The following ATP2A2 variants were observed in gnomAD, a reference collection of about 807,000 sequenced individuals.
The protein encoded by ATP2A2 is ATPase sarcoplasmic/endoplasmic reticulum Ca2+ transporting 2, also known as sarcoplasmic/endoplasmic reticulum calcium ATPase 2.
ATP2A2 carries 14 observed loss-of-function variants against 109.3 expected under a neutral mutation model. The ratio of observed to expected loss-of-function variants is 0.13; its 90% CI spans 0.08 to 0.20. The LOEUF is 0.20. Ranked by LOEUF, ATP2A2 falls within the 10% of genes least tolerant of loss-of-function variation. The pLI, the probability that ATP2A2 is intolerant of heterozygous loss-of-function variation, is 1.00. For missense variants in ATP2A2, 657 were observed against 1,321.6 expected, an observed-to-expected ratio of 0.50 and a Z score of 7.80; for synonymous variants, 506 against 490.9, an observed-to-expected ratio of 1.03 and a Z score of -0.41.
chr12:110,287,522 A>G (rs1202335633), intron 3 of ATP2A2, among the ~76,000 whole-genome samples: 2 of 152,228 alleles, frequency 1.3e-5, no homozygotes, highest in Non-Finnish European at 2.9e-5. Context: ...GCACAAAGCA[A>G]AGGGAAGAAG....
chr12:110,286,777 T>C (rs1411179106), intron 3 of ATP2A2, among the ~76,000 whole-genome samples: 1 of 152,166 alleles, frequency 6.6e-6, no homozygotes, highest in Non-Finnish European at 1.5e-5. Flanking sequence ...ACAGTGCAAG[T>C]TTCTGAGAAT....
rs78135790 is a variant in ATP2A2, at chr12:110,349,303, G to T, written c.*2833G>T. The T allele has an allele frequency of 2.4e-5, 24 of 985,524 alleles. No individual in the cohort carries two copies. The East Asian group carries it at 4.5e-4, about 19-fold the overall frequency. The allele number at this position is 985,524 out of a possible 1,614,324, so 61.0% of individuals were successfully genotyped here. On this transcript the variant is annotated 3_prime_UTR_variant, in exon 20 of 20. Coordinates refer to ENST00000539276, the MANE Select transcript of ATP2A2 (RefSeq NM_170665.4). ...AGTGAGGCAGCAGCTGCCCAGCCCCGCAATGTGCCTGCTGTCAGGCAGCTC... is the reference window on the plus strand; with the variant it reads ...AGTGAGGCAGCAGCTGCCCAGCCCCTCAATGTGCCTGCTGTCAGGCAGCTC...
Position 110,281,811 on chromosome 12 carries a change from A to T in ATP2A2, c.22A>T (p.Thr8Ser), listed in dbSNP as rs753488422. The change falls in exon 1 of 20, where the codon ACG becomes TCG. Residue 8 changes from threonine (T) to serine (S), a missense_variant. Transcript: ENST00000539276. MENAHTK[T>S]VEEVLGHFGV... ...AGCCATGGAGAACGCGCACACCAAG[A>T]CGGTGGAGGAGGTGCTGGGCCACTT... 2 of 1,543,974 alleles carry T rather than the reference A, an allele frequency of 1.3e-6. No homozygotes were observed. The highest frequency in any genetic ancestry group is 2.4e-5 in the South Asian group (2 of 82,584).
At chr12:110,338,982 C>G (rs1377632451) in intron 11 of ATP2A2, among the ~76,000 whole-genome samples, 1 of 152,150 alleles carries the variant, frequency 6.6e-6, no homozygotes, top group African/African-American at 2.4e-5. Flanking sequence ...TTTTCAGGCC[C>G]CATGGGGCCA....
chr12:110,349,964 TAACC>T lies in ATP2A2; in HGVS notation c.*3497_*3500del. 1 of 1,251,574 alleles carries T rather than the reference TAACC, an allele frequency of 8.0e-7. No individual in the cohort carries two copies. Among genetic ancestry groups the T allele is most frequent in the Non-Finnish European group, 1.0e-6 (1 of 988,046 alleles). The allele number at this position is 1,251,574 out of a possible 1,614,324, so 77.5% of individuals were successfully genotyped here. On this transcript the variant is annotated 3_prime_UTR_variant, in exon 20 of 20. Transcript: ENST00000539276. ...CCATCAACCTCACCCTCTGCACCAC[TAACC>T]AAGACCTTGTCCTCTTGCCTGTCTC...
chr12:110,348,054 C>G lies in ATP2A2; in HGVS notation c.*1584C>G. ...AGGAGGGCCCAAGCCAGACAAAAGCCGGAGTGGGGAGAGAGGCATTTCAGC... is the reference window on the plus strand; with the variant it reads ...AGGAGGGCCCAAGCCAGACAAAAGCGGGAGTGGGGAGAGAGGCATTTCAGC... On this transcript the variant is annotated 3_prime_UTR_variant, in exon 20 of 20. Transcript: ENST00000539276. The G allele has an allele frequency of 1.0e-6, 1 of 986,284 alleles. No homozygotes were observed. The highest frequency in any genetic ancestry group is 1.2e-6 in the Non-Finnish European group (1 of 830,592). 61.1% of individuals were successfully genotyped at this position (986,284 alleles called of 1,614,324 possible). A position where few individuals can be genotyped will look rare whatever the true frequency, so the allele number is the denominator to read the frequency against.
At chr12:110,331,888 AATT>A (rs1464690680) in intron 8 of ATP2A2, 1 of 152,210 alleles carries the variant, frequency 6.6e-6, no homozygotes, top group African/African-American at 2.4e-5. Context: ...GCAGTGGAAA[AATT>A]ATCTTTAAGA....
intron 6 of ATP2A2, among the ~76,000 whole-genome samples, chr12:110,325,627 C>CAA (rs902274593): frequency 3.3e-5 from 4 of 122,026 alleles, no homozygotes; most frequent in Admixed American, 1.7e-4. Context: ...GACTCCGTCT[C>CAA]AAAAAAAAAA....
At chr12:110,297,883 G>A (rs556984494) in intron 5 of ATP2A2, among the ~76,000 whole-genome samples, 1 of 152,166 alleles carries the variant, frequency 6.6e-6, no homozygotes, top group African/African-American at 2.4e-5. Context: ...CCAAAGTGCT[G>A]GGATTACAGG....
intron 5 of ATP2A2, among the ~76,000 whole-genome samples, chr12:110,306,589 C>G (rs1875360047): frequency 6.6e-6 from 1 of 152,090 alleles, no homozygotes; most frequent in South Asian, 2.1e-4. Context: ...TGTTTAGCTC[C>G]TACTTACAAG....
At chr12:110,304,988 G>C (rs185190364) in intron 5 of ATP2A2, among the ~76,000 whole-genome samples, 2 of 151,822 alleles carry the variant, frequency 1.3e-5, no homozygotes, top group Admixed American at 6.6e-5. Context: ...GGAGTGCAGC[G>C]AGTGGCATGA....
intron 3 of ATP2A2, among the ~76,000 whole-genome samples, chr12:110,285,688 C>T (rs1872586624): frequency 6.6e-6 from 1 of 152,154 alleles, no homozygotes; most frequent in African/African-American, 2.4e-5. Context: ...GGCATTAGGG[C>T]CATGTTGGTC....
In ATP2A2 at chr12:110,342,676, A is replaced by T. The variant is rs1879470717; in HGVS notation, c.2318+228A>T. 6.6e-6 allele frequency among the ~76,000 whole-genome samples: 1 copy of T among 152,182 alleles called. No homozygotes were observed. The highest frequency in any genetic ancestry group is 1.5e-5 in the Non-Finnish European group (1 of 68,022). On this transcript the variant is annotated intron_variant, in intron 15 of 19. Transcript: ENST00000539276. This position sits in a 1 kb window ranked among gnomAD's most constrained non-coding sequence, Gnocchi z 4.6. ...TGCAAAGAATCCTCTTTAACGTGAG[A>T]CTGAGCTAACATTAACCAGGTAGTC...
At chr12:110,315,968 T>C (rs1369963455) in intron 5 of ATP2A2, among the ~76,000 whole-genome samples, 4 of 152,024 alleles carry the variant, frequency 2.6e-5, no homozygotes, top group Non-Finnish European at 5.9e-5. Flanking sequence ...GCACCTGTAA[T>C]CCCAGCTACT....
rs752044624 is a variant in ATP2A2 at position 110,332,671 on chromosome 12, A to T, written c.1170A>T (p.Ala390=). ...NEFTITGSTY[A]PIGEVHKDDK... ...TTACCATAACTGGATCAACTTATGCACCTATTGGAGAAGTGTGAGTAACCC... is the reference window on the plus strand; with the variant it reads ...TTACCATAACTGGATCAACTTATGCTCCTATTGGAGAAGTGTGAGTAACCC... Residue 390 remains alanine (A), a synonymous_variant, in exon 9 of 20, where the codon GCA becomes GCT. Coordinates refer to ENST00000539276, the MANE Select transcript of ATP2A2 (RefSeq NM_170665.4). The T allele has an allele frequency of 1.9e-6, 3 of 1,611,606 alleles. No individual in the cohort carries two copies. Among genetic ancestry groups the T allele is most frequent in the Non-Finnish European group, 2.5e-6 (3 of 1,177,830 alleles).
At chr12:110,316,042 A>T (rs1194462501) in intron 5 of ATP2A2, among the ~76,000 whole-genome samples, 5 of 152,216 alleles carry the variant, frequency 3.3e-5, no homozygotes, top group Admixed American at 3.3e-4. Flanking sequence ...AGCCGAGATC[A>T]TGCCACTGCA....
intron 3 of ATP2A2, among the ~76,000 whole-genome samples, chr12:110,290,308 T>C (rs1410212057): frequency 6.6e-6 from 1 of 152,178 alleles, no homozygotes; most frequent in Non-Finnish European, 1.5e-5. Context: ...GTGCCGGGAT[T>C]ATAGGCATGA....
In ATP2A2 at chr12:110,305,019, C is replaced by T. The variant is rs145473068; in HGVS notation, c.463+8282C>T. Among the ~76,000 whole-genome samples the T allele has an allele frequency of 6.8e-3, 1,027 of 152,008 alleles. 5 individuals are homozygous for T. Among genetic ancestry groups the T allele is most frequent in the Non-Finnish European group, 9.5e-3 (648 of 67,970 alleles). On this transcript the variant is annotated intron_variant, in intron 5 of 19. Transcript: ENST00000539276. ...CATGATCTCGGCTCAGTGCAACCTCCGCCTCCTGGGTTCAAGCGATTCTCC... is the reference window on the plus strand; with the variant it reads ...CATGATCTCGGCTCAGTGCAACCTCTGCCTCCTGGGTTCAAGCGATTCTCC...
chr12:110,312,525 C>T (rs562494351), intron 5 of ATP2A2, among the ~76,000 whole-genome samples: 1 of 152,122 alleles, frequency 6.6e-6, no homozygotes, highest in South Asian at 2.1e-4. Flanking sequence ...TCAGAAAGTC[C>T]ACCTCAGGAT....
Sources: gnomAD v4.1 joint callset for allele counts (sites outside exome capture counted in the v4.1 genomes callset) on GRCh38, gnomAD v4.1.1 for gene constraint, Gnocchi (gnomAD v3.1) non-coding constraint, MANE v1.5 for transcripts, NCBI Gene and HGNC (gene_info 2026-07-23, HGNC 2026-07-21) for gene names.